Variants in KCNH1 observed in about 807,000 individuals in gnomAD.
KCNH1 encodes potassium voltage-gated channel subfamily H member 1.
In KCNH1, 27 loss-of-function variants were observed where a neutral mutation model predicts 69.2. That is an observed-to-expected ratio of 0.39 (90% CI 0.29 to 0.54). The LOEUF is 0.54. Ranked by LOEUF, KCNH1 falls within the 20% of genes least tolerant of loss-of-function variation. KCNH1 has a pLI of 0.68. For synonymous variants in KCNH1, 456 were observed against 487.7 expected (o/e 0.93, Z 0.86); for missense variants, 798 against 1,261.6 (o/e 0.63, Z 5.57).
chr1:210,759,705 CT>C (rs1311941010), intron 10 of KCNH1, among the ~76,000 whole-genome samples: 2 of 152,136 alleles, frequency 1.3e-5, no homozygotes, highest in East Asian at 3.8e-4. Flanking sequence ...AAATACATGA[CT>C]TATTAGCATT....
At chr1:210,842,768 CACTGGCATT>C in intron 7 of KCNH1, among the ~76,000 whole-genome samples, 1 of 152,186 alleles carries the variant, frequency 6.6e-6, no homozygotes, top group East Asian at 1.9e-4. Context: ...TCCTTTTTAC[CACTGGCATT>C]ACTGGCCTTC....
chr1:210,753,015 A>G (rs879592040), intron 10 of KCNH1, among the ~76,000 whole-genome samples: 5 of 152,180 alleles, frequency 3.3e-5, no homozygotes, highest in Admixed American at 3.3e-4. Context: ...AAGGATCACC[A>G]GGAGCCACCA....
intron 5 of KCNH1, among the ~76,000 whole-genome samples, chr1:211,034,798 T>TAAGAC (rs1689863625): frequency 6.6e-6 from 1 of 152,186 alleles, no homozygotes; most frequent in African/African-American, 2.4e-5. Flanking sequence ...GTCTGGGTGA[T>TAAGAC]AAGACTATTC....
chr1:210,700,125 T>G (rs1173762663), intron 10 of KCNH1, among the ~76,000 whole-genome samples: 2 of 152,308 alleles, frequency 1.3e-5, no homozygotes, highest in East Asian at 3.9e-4. Context: ...CAGGAAGTGA[T>G]GAGCCACCCA....
intron 7 of KCNH1, among the ~76,000 whole-genome samples, chr1:210,829,052 A>G (rs1340138217): frequency 3.9e-5 from 6 of 152,212 alleles, no homozygotes; most frequent in African/African-American, 1.4e-4. Flanking sequence ...TGTGTAGAGT[A>G]TTCAATGTTA....
At chr1:211,126,015 A>G (rs910789250) in intron 1 of KCNH1, among the ~76,000 whole-genome samples, 2 of 152,210 alleles carry the variant, frequency 1.3e-5, no homozygotes, top group Admixed American at 6.5e-5. Flanking sequence ...TTAGAGCAGA[A>G]ACTGTGAGAA....
intron 1 of KCNH1, among the ~76,000 whole-genome samples, chr1:211,118,593 A>G (rs1691628931): frequency 6.6e-6 from 1 of 152,220 alleles, no homozygotes; most frequent in Non-Finnish European, 1.5e-5. Flanking sequence ...CCTCTGGTTC[A>G]TAGCATAAAA....
intron 6 of KCNH1, among the ~76,000 whole-genome samples, chr1:210,985,568 T>A (rs955195187): frequency 7.2e-5 from 11 of 152,226 alleles, no homozygotes; most frequent in African/African-American, 2.4e-4. Flanking sequence ...AGTAGGTTGT[T>A]CAGTTTCTAT....
chr1:210,867,393 T>G (rs866470170), intron 7 of KCNH1, among the ~76,000 whole-genome samples: 1 of 148,434 alleles, frequency 6.7e-6, no homozygotes, highest in South Asian at 2.1e-4. Context: ...CCAAAGCAAA[T>G]TCATATTAAA....
intron 5 of KCNH1, among the ~76,000 whole-genome samples, chr1:211,070,424 A>ACACACACACACACACACAC (rs1232138926): frequency 9.1e-6 from 1 of 110,080 alleles, no homozygotes; most frequent in Non-Finnish European, 2.1e-5. Flanking sequence ...CCTTTAAAAA[A>ACACACACACACACACACAC]AAAAAAACAC....
chr1:210,839,338 T>A (rs1032959333), intron 7 of KCNH1, among the ~76,000 whole-genome samples: 1 of 152,146 alleles, frequency 6.6e-6, no homozygotes, highest in Non-Finnish European at 1.5e-5. Flanking sequence ...ATGTTCTCAC[T>A]TATAAGTGGG....
chr1:210,886,580 G>A (rs1686609831), intron 7 of KCNH1, among the ~76,000 whole-genome samples: 1 of 151,980 alleles, frequency 6.6e-6, no homozygotes, highest in Non-Finnish European at 1.5e-5. Flanking sequence ...TTCAGAAGGT[G>A]TGTAATAACA....
chr1:210,760,258 A>G (rs1310571025), intron 10 of KCNH1, among the ~76,000 whole-genome samples: 1 of 152,206 alleles, frequency 6.6e-6, no homozygotes, highest in Non-Finnish European at 1.5e-5. Context: ...AGCTAGATAA[A>G]AAGGATCATA....
In KCNH1 at chr1:211,065,513, G is replaced by A. The variant is rs1002402239; in HGVS notation, c.558+17267C>T. The stretch of plus-strand genomic sequence containing the variant: ...AAGGTTGGGGATGATGTTGGTCAAA[G>A]GATACAAAATTTCATTTAGATAGGA... On this transcript the variant is annotated intron_variant, in intron 5 of 10. Coordinates refer to ENST00000271751, the MANE Select transcript of KCNH1 (RefSeq NM_172362.3). 2.6e-5 allele frequency among the ~76,000 whole-genome samples: 4 copies of A among 152,184 alleles called. No individual in the cohort carries two copies. The East Asian group carries it at 5.8e-4, about 22-fold the overall frequency.
intron 7 of KCNH1, among the ~76,000 whole-genome samples, chr1:210,872,958 T>C (rs1686284846): frequency 1.3e-5 from 2 of 152,230 alleles, no homozygotes; most frequent in African/African-American, 2.4e-5. Flanking sequence ...ATACTTTAAT[T>C]TTCTGTACAA....
chr1:210,957,333 AT>A (rs1688198568), intron 6 of KCNH1, among the ~76,000 whole-genome samples: 1 of 152,164 alleles, frequency 6.6e-6, no homozygotes, highest in South Asian at 2.1e-4. Flanking sequence ...TTTATGTCCA[AT>A]TATGTTGTCA....
intron 6 of KCNH1, among the ~76,000 whole-genome samples, chr1:210,959,126 T>A (rs1688246858): frequency 6.6e-6 from 1 of 152,238 alleles, no homozygotes. Flanking sequence ...TTGATATTGA[T>A]GTTATTCCTT....
chr1:210,876,626 G>A (rs995514276), intron 7 of KCNH1, among the ~76,000 whole-genome samples: 1 of 152,096 alleles, frequency 6.6e-6, no homozygotes, highest in Admixed American at 6.6e-5. Flanking sequence ...TTCTATCTCT[G>A]TGGGGTCTCT....
intron 2 of KCNH1, among the ~76,000 whole-genome samples, chr1:211,106,060 T>C (rs1383781708): frequency 6.6e-6 from 1 of 152,238 alleles, no homozygotes; most frequent in Non-Finnish European, 1.5e-5. Flanking sequence ...ACTTAGTAAG[T>C]AAAAATGCAA....
Sources: gnomAD v4.1 joint callset for allele counts (sites outside exome capture counted in the v4.1 genomes callset) on GRCh38, gnomAD v4.1.1 for gene constraint, MANE v1.5 for transcripts, NCBI Gene and HGNC (gene_info 2026-07-23, HGNC 2026-07-21) for gene names.